The following FRMD3 variants were observed in gnomAD, a reference collection of about 807,000 sequenced individuals.
FRMD3 encodes FERM domain containing 3, also known as FERM domain-containing protein 3.
Under a neutral mutation model 70.2 loss-of-function variants are expected in FRMD3, and 33 were observed. The ratio of observed to expected loss-of-function variants is 0.47; its 90% CI spans 0.36 to 0.63. The LOEUF (loss-of-function observed/expected upper bound fraction) is 0.63. FRMD3 is among the 20% of genes least tolerant of loss of function. The pLI is 0.00. For missense variants in FRMD3, 632 were observed against 711.4 expected (o/e 0.89, Z 1.27); for synonymous variants, 279 against 255.9 (o/e 1.09, Z -0.86).
Position 83,247,941 on chromosome 9 carries a change from G to A in FRMD3, c.1771C>T (p.Leu591Phe), listed in dbSNP as rs764821206. Residue 591 changes from leucine to phenylalanine, a missense_variant, in exon 14 of 14, where the codon CTC becomes TTC. Leu to Phe is a conservative substitution (Grantham distance 22, BLOSUM62 0). Transcript: ENST00000304195. ...EWVAGKVHLI[L>F]YMLGCS The stretch of plus-strand genomic sequence containing the variant: ...CTTCATGAGCAACCCAGCATGTAGA[G>A]GATGAGGTGGACTTTCCCAGCCACC... 2.5e-5 allele frequency: 41 copies of A among 1,614,024 alleles called. No individual in the cohort carries two copies. The highest frequency in any genetic ancestry group is 1.6e-4 in the Middle Eastern group (1 of 6,078).
intron 11 of FRMD3, 112 bp downstream of exon 11, chr9:83,298,999 GA>G (rs1309389512): frequency 2.1e-6 from 2 of 958,640 alleles, no homozygotes; most frequent in Non-Finnish European, 3.3e-6. Context: ...AGTAGAAATG[GA>G]AGACTCAAAC....
intron 1 of FRMD3, among the ~76,000 whole-genome samples, chr9:83,529,937 T>TC (rs1829760841): frequency 6.6e-6 from 1 of 151,992 alleles, no homozygotes; most frequent in Non-Finnish European, 1.5e-5. Flanking sequence ...CACAATGAGA[T>TC]CCCACTCCAC....
intron 2 of FRMD3, among the ~76,000 whole-genome samples, chr9:83,374,574 G>A (rs1388910612): frequency 6.6e-6 from 1 of 152,144 alleles, no homozygotes; most frequent in African/African-American, 2.4e-5. Context: ...TATAAACCTT[G>A]TACAAGATGC....
intron 10 of FRMD3, among the ~76,000 whole-genome samples, chr9:83,303,094 T>C (rs1213319464): frequency 6.6e-6 from 1 of 152,166 alleles, no homozygotes; most frequent in Non-Finnish European, 1.5e-5. Context: ...TGGGGGGACA[T>C]TGGGTGGTGC....
At chr9:83,545,893 G>A in the FRMD3 span, among the ~76,000 whole-genome samples, 3 of 152,128 alleles carry the variant, frequency 2.0e-5, no homozygotes, top group Non-Finnish European at 4.4e-5. Context: ...CATCACCAAG[G>A]TGTATAGTCA....
At chr9:83,415,817 A>G (rs1320288141) in intron 1 of FRMD3, among the ~76,000 whole-genome samples, 1 of 151,986 alleles carries the variant, frequency 6.6e-6, no homozygotes, top group Admixed American at 6.6e-5. Context: ...TTTGTGAAGC[A>G]GAAGGAAGAC....
At chr9:83,343,348 A>AACAATCCTAC in intron 4 of FRMD3, 61 bp from the exon 5 acceptor site, 2 of 1,163,954 alleles carry the variant, frequency 1.7e-6, no homozygotes, top group Non-Finnish European at 2.6e-6. Flanking sequence ...AAGAAGTAGG[A>AACAATCCTAC]TTGTTCATGC....
the FRMD3 span, among the ~76,000 whole-genome samples, chr9:83,575,456 G>T: frequency 6.6e-6 from 1 of 152,130 alleles, no homozygotes; most frequent in Non-Finnish European, 1.5e-5. Context: ...AGGAAAAGCA[G>T]CTCTTTCTCA....
At chr9:83,248,875 C>T (rs905643726) in intron 13 of FRMD3, among the ~76,000 whole-genome samples, 1 of 152,144 alleles carries the variant, frequency 6.6e-6, no homozygotes, top group Non-Finnish European at 1.5e-5. Flanking sequence ...TCAACAATAT[C>T]ACCCGATATA....
At position 83,313,655 on chromosome 9, in the gene FRMD3, G is replaced by C. The variant is rs1761328865; in HGVS notation, c.684+5C>G. The C allele has an allele frequency of 1.2e-6, 2 of 1,611,658 alleles. No individual in the cohort carries two copies. The highest frequency in any genetic ancestry group is 1.7e-6 in the Non-Finnish European group (2 of 1,177,734). On this transcript the variant is annotated splice_donor_5th_base_variant and intron_variant, in intron 7 of 13. Transcript: ENST00000304195. Reference sequence around the variant, plus strand: ...ATATGGTGACCTGCTGTGAGGGGCAGTTACCTTGCATGGGTGAGGATCCAC... The same window carrying C: ...ATATGGTGACCTGCTGTGAGGGGCACTTACCTTGCATGGGTGAGGATCCAC...
intron 1 of FRMD3, among the ~76,000 whole-genome samples, chr9:83,508,060 C>T (rs1192582541): frequency 6.6e-6 from 1 of 152,100 alleles, no homozygotes. Flanking sequence ...AGAATCTACT[C>T]CCATACACCA....
chr9:83,244,536 C>T, downstream of FRMD3: 1 of 304,856 alleles, frequency 3.3e-6, no homozygotes, highest in Non-Finnish European at 4.8e-6. Flanking sequence ...GACCTCATTT[C>T]ATGGTCCTAG....
At chr9:83,568,409 T>C in the FRMD3 span, among the ~76,000 whole-genome samples, 12 of 152,326 alleles carry the variant, frequency 7.9e-5, no homozygotes, top group East Asian at 9.6e-4. Context: ...ATAATATCTA[T>C]ATTAAAATTG....
At chr9:83,473,150 A>G (rs923842061) in intron 1 of FRMD3, among the ~76,000 whole-genome samples, 1 of 152,122 alleles carries the variant, frequency 6.6e-6, no homozygotes, top group Admixed American at 6.5e-5. Context: ...CAACCTGGCT[A>G]CTGGCATTTG....
chr9:83,544,210 G>A, the FRMD3 span, among the ~76,000 whole-genome samples: 1 of 47,062 alleles, frequency 2.1e-5, no homozygotes, highest in Non-Finnish European at 5.4e-5. Flanking sequence ...TGAAGTGTCT[G>A]TCGAACTGAG....
At chr9:83,437,430 C>G (rs961481179) in intron 1 of FRMD3, among the ~76,000 whole-genome samples, 1 of 152,128 alleles carries the variant, frequency 6.6e-6, no homozygotes, top group Admixed American at 6.5e-5. Context: ...ATTTTTGACT[C>G]GTGCTCATTC....
intron 1 of FRMD3, among the ~76,000 whole-genome samples, chr9:83,418,798 G>A (rs1301591191): frequency 1.3e-5 from 2 of 152,136 alleles, no homozygotes; most frequent in South Asian, 2.1e-4. Context: ...CAGAGGAAAA[G>A]AAGTCATTAT....
chr9:83,344,824 AGTGTGTGT>A (rs35538787), intron 4 of FRMD3, among the ~76,000 whole-genome samples: 10 of 144,080 alleles, frequency 6.9e-5, no homozygotes, highest in East Asian at 4.1e-4. Context: ...TGCATGTGTG[AGTGTGTGT>A]GTGTGTGTGT....
chr9:83,498,680 T>C (rs1359237920), intron 1 of FRMD3, among the ~76,000 whole-genome samples: 1 of 152,196 alleles, frequency 6.6e-6, no homozygotes, highest in Non-Finnish European at 1.5e-5. Flanking sequence ...ACATTTCTAC[T>C]GAACAGCTCT....
Sources: allele counts gnomAD v4.1 joint callset (sites outside exome capture counted in the v4.1 genomes callset), GRCh38; gene constraint gnomAD v4.1.1; transcripts MANE v1.5; gene names NCBI Gene and HGNC (gene_info 2026-07-23, HGNC 2026-07-21).